NID2: variants seen among roughly 807,000 people sequenced by gnomAD.
The protein encoded by NID2 is nidogen-2.
NID2 carries 83 observed loss-of-function variants against 145.4 expected under a neutral mutation model. The ratio of observed to expected loss-of-function variants is 0.57; its 90% CI spans 0.48 to 0.69. NID2 has a LOEUF of 0.69. Among genes scored for constraint, NID2 ranks in the 30% least tolerant of loss-of-function variants. The pLI is 0.00. For missense variants in NID2, 1,807 were observed against 1,765.7 expected, an observed-to-expected ratio of 1.02 and a Z score of -0.42; for synonymous variants, 739 against 701.3, an observed-to-expected ratio of 1.05 and a Z score of -0.85.
intron 12 of NID2, among the ~76,000 whole-genome samples, chr14:52,021,807 A>G (rs1024125354): frequency 6.6e-6 from 1 of 152,214 alleles, no homozygotes; most frequent in African/African-American, 2.4e-5. Flanking sequence ...TTACCCTGAA[A>G]TCAACCAATG....
chr14:52,060,362 A>G lies in NID2; in HGVS notation c.535-6T>C, dbSNP rs773356843. 1 of 979,150 alleles carries G rather than the reference A, an allele frequency of 1.0e-6. No individual in the cohort carries two copies. Among genetic ancestry groups the G allele is most frequent in the South Asian group, 2.6e-5 (1 of 39,132 alleles). The allele number at this position is 979,150 out of a possible 1,614,324, so 60.7% of individuals were successfully genotyped here. A position where few individuals can be genotyped will look rare whatever the true frequency, so the allele number is the denominator to read the frequency against. ...ACTGCCTGGAAAGTGTTCAGCTGTGAGGAAAAAAAAAAAAAAAGAGAGAGA... is the reference window on the plus strand; with the variant it reads ...ACTGCCTGGAAAGTGTTCAGCTGTGGGGAAAAAAAAAAAAAAAGAGAGAGA... On this transcript the variant is annotated splice_region_variant and splice_polypyrimidine_tract_variant and intron_variant, in intron 2 of 21. Coordinates refer to ENST00000216286, the MANE Select transcript of NID2 (RefSeq NM_007361.4).
At position 52,025,020 on chromosome 14, in the gene NID2, C is replaced by A. The variant is rs148901399; in HGVS notation, c.2674+2181G>T. 2.1e-3 allele frequency among the ~76,000 whole-genome samples: 327 copies of A among 152,276 alleles called. 4 individuals are homozygous for A. Among genetic ancestry groups the A allele is most frequent in the African/African-American group, 5.3e-3 (219 of 41,534 alleles). The stretch of plus-strand genomic sequence containing the variant: ...AACTTCTTTGCTTTAAACCAGAGAG[C>A]TAAGGAACTAAATATTTTAAAAGCA... On this transcript the variant is annotated intron_variant, in intron 12 of 21. Coordinates refer to ENST00000216286, the MANE Select transcript of NID2 (RefSeq NM_007361.4).
At chr14:52,024,894 A>G (rs892725319) in intron 12 of NID2, among the ~76,000 whole-genome samples, 1 of 152,276 alleles carries the variant, frequency 6.6e-6, no homozygotes, top group Non-Finnish European at 1.5e-5. Flanking sequence ...AGAAGAAAAA[A>G]GGAGGGAGAG....
intron 9 of NID2, among the ~76,000 whole-genome samples, chr14:52,038,269 G>C (rs935124237): frequency 2.0e-5 from 3 of 152,138 alleles, no homozygotes; most frequent in Admixed American, 1.3e-4. Flanking sequence ...TATGATGTTT[G>C]GTTTTTCCAG....
intron 5 of NID2, among the ~76,000 whole-genome samples, chr14:52,047,120 C>A (rs542250121): frequency 6.6e-6 from 1 of 152,278 alleles, no homozygotes; most frequent in African/African-American, 2.4e-5. Flanking sequence ...GAGGACATGG[C>A]AGGGAGCAAA....
At chr14:52,014,254 A>G (rs750512511) in intron 16 of NID2, 33 bp downstream of exon 16, 18 of 1,613,942 alleles carry the variant, frequency 1.1e-5, no homozygotes, top group Middle Eastern at 1.6e-4. Flanking sequence ...AAAGCCACGC[A>G]GCCCTGCCCC....
At chr14:52,011,317 G>A (rs1251134922) in intron 17 of NID2, among the ~76,000 whole-genome samples, 1 of 152,172 alleles carries the variant, frequency 6.6e-6, no homozygotes, top group Non-Finnish European at 1.5e-5. Context: ...GCGTCACCCT[G>A]AATTCTTACC....
chr14:52,012,880 TCCTGCCTTGCCTAACAG>T (rs1891084646), intron 16 of NID2, among the ~76,000 whole-genome samples: 1 of 152,154 alleles, frequency 6.6e-6, no homozygotes, highest in Non-Finnish European at 1.5e-5. Context: ...TCATACAAGT[TCCTGCCTTGCCTAACAG>T]CCTCCTGGGG....
At chr14:52,032,487 A>C (rs774186858) in intron 9 of NID2, among the ~76,000 whole-genome samples, 18 of 152,192 alleles carry the variant, frequency 1.2e-4, no homozygotes, top group Admixed American at 2.6e-4. Flanking sequence ...ACTTGAGCCT[A>C]GACCAGGTTC....
rs1173812613 is a variant in NID2 at position 52,030,556 on chromosome 14, G to GA, written c.2258-867dup. 4.2e-3 allele frequency among the ~76,000 whole-genome samples: 232 copies of GA among 55,786 alleles called. 5 individuals are homozygous for GA. Among genetic ancestry groups the GA allele is most frequent in the Middle Eastern group, 8.8e-3 (1 of 114 alleles). The allele number at this position is 55,786 out of a possible 152,430, so 36.6% of individuals were successfully genotyped here. A position where few individuals can be genotyped will look rare whatever the true frequency, so the allele number is the denominator to read the frequency against. ...AGAAAGAAAGAAAGAAAGAAAGAAA[G>GA]AAAGAAAGAAAGGAAGGAAGGGAAA... On this transcript the variant is annotated intron_variant, in intron 9 of 21. Coordinates refer to ENST00000216286, the MANE Select transcript of NID2 (RefSeq NM_007361.4).
At chr14:52,064,031 A>G (rs1445441213) in intron 2 of NID2, among the ~76,000 whole-genome samples, 2 of 152,202 alleles carry the variant, frequency 1.3e-5, no homozygotes, top group Admixed American at 1.3e-4. Flanking sequence ...TCACAGTGAT[A>G]TCTCAGACTC....
intron 17 of NID2, 75 bp from the exon 18 acceptor site, chr14:52,011,122 GGT>G: frequency 6.8e-7 from 1 of 1,461,532 alleles, no homozygotes; most frequent in South Asian, 1.2e-5. Context: ...CCAACGGTCG[GGT>G]GGGCAGGGGG....
In NID2 at chr14:52,040,802, C is replaced by T; in HGVS notation, c.1875G>A (p.Glu625=). The change falls in exon 8 of 22, where the codon GAG becomes GAA. Residue 625 remains glutamate (E), a synonymous_variant. Transcript: ENST00000216286. ...DMEVTFYPGE[E]TVRITQTAEG... is the part of the protein sequence containing the mutation. ...CAGCAGTTTGAGTGATACGAACCGT[C>T]TCCTCTCCCGGGTAGAATGTAACTT... is the stretch of plus-strand genomic sequence containing the variant. 1 of 1,614,184 alleles carries T rather than the reference C, an allele frequency of 6.2e-7. No homozygotes were observed. Among genetic ancestry groups the T allele is most frequent in the Non-Finnish European group, 8.5e-7 (1 of 1,180,044 alleles).
In NID2 at chr14:52,042,781, C is replaced by T. The variant is rs746300534; in HGVS notation, c.1579+1G>A. ...AGGAGTTCCTGGCCCCAGTCAATTA[C>T]CTTCAGGCAGACAGTGCTTCCCATT... On this transcript the variant is annotated splice_donor_variant, in intron 6 of 21. Transcript: ENST00000216286. LOFTEE classifies it high-confidence loss of function. The T allele has an allele frequency of 6.2e-7, 1 of 1,614,050 alleles. No homozygotes were observed. Among genetic ancestry groups the T allele is most frequent in the Non-Finnish European group, 8.5e-7 (1 of 1,179,958 alleles).
Position 52,068,132 on chromosome 14 carries a change from T to A in NID2, c.260A>T (p.Asp87Val). ...VGTNGIISTQ[D>V]FPRETQYVDY... ...CACATACTGCGTTTCCCTGGGGAAG[T>A]CCTGAGTGGAGATGATGCCGTTGGT... Residue 87 changes from aspartate to valine, a missense_variant, in exon 2 of 22, where the codon GAC (aspartate) becomes GTC (valine). Transcript: ENST00000216286. 6.2e-7 allele frequency: 1 copy of A among 1,613,068 alleles called. No individual in the cohort carries two copies. Among genetic ancestry groups the A allele is most frequent in the South Asian group, 1.1e-5 (1 of 90,696 alleles).
intron 2 of NID2, among the ~76,000 whole-genome samples, chr14:52,062,732 G>C (rs1036526660): frequency 4.6e-5 from 7 of 152,142 alleles, no homozygotes; most frequent in African/African-American, 1.7e-4. Context: ...GGATGGGGAA[G>C]GGGGGAAGAG....
Position 52,034,117 on chromosome 14 carries a change from ATAT to A in NID2, c.2258-4430_2258-4428del, listed in dbSNP as rs1006144677. Among the ~76,000 whole-genome samples the A allele has an allele frequency of 4.4e-4, 67 of 152,102 alleles. 1 individual carries two copies. Among genetic ancestry groups the A allele is most frequent in the Admixed American group, 6.5e-5 (1 of 15,278 alleles). ...TTGGCACCAAGTAAACCATCCTTTG[ATAT>A]TATTATTTGACTGGGGTGGGAGGGA... On this transcript the variant is annotated intron_variant, in intron 9 of 21. Transcript: ENST00000216286.
At chr14:52,057,721 A>AAG (rs1165814995) in intron 3 of NID2, among the ~76,000 whole-genome samples, 1 of 149,684 alleles carries the variant, frequency 6.7e-6, no homozygotes, top group Non-Finnish European at 1.5e-5. Context: ...AAAAAAAAAA[A>AAG]AAAAAAGAAA....
intron 12 of NID2, among the ~76,000 whole-genome samples, chr14:52,022,255 T>C (rs1465566097): frequency 6.6e-6 from 1 of 151,136 alleles, no homozygotes; most frequent in African/African-American, 2.5e-5. Context: ...TCATCAAAGA[T>C]ACTAAAGTTC....
Sources: allele counts gnomAD v4.1 joint callset (sites outside exome capture counted in the v4.1 genomes callset), GRCh38; gene constraint gnomAD v4.1.1; transcripts MANE v1.5; gene names NCBI Gene and HGNC (gene_info 2026-07-23, HGNC 2026-07-21).